The following MTMR10 variants were observed in gnomAD, a reference collection of about 807,000 sequenced individuals.
MTMR10 encodes myotubularin-related protein 10.
A neutral mutation model predicts 88.1 loss-of-function variants in MTMR10; 56 were observed. The observed-to-expected ratio is 0.64, with a 90% CI of 0.51 to 0.79. The LOEUF (loss-of-function observed/expected upper bound fraction) is 0.79. MTMR10 is among the 30% of genes least tolerant of loss of function. MTMR10 has a pLI of 0.00. For missense variants in MTMR10, 883 were observed against 924.7 expected, an observed-to-expected ratio of 0.95 and a Z score of 0.58; for synonymous variants, 380 against 340.9, an observed-to-expected ratio of 1.11 and a Z score of -1.26.
intron 5 of MTMR10, among the ~76,000 whole-genome samples, chr15:30,973,746 T>C (rs1224437872): frequency 6.6e-6 from 1 of 152,146 alleles, no homozygotes; most frequent in South Asian, 2.1e-4. Context: ...CCTTGACTCT[T>C]ACAAGTAGGG....
intron 3 of MTMR10, among the ~76,000 whole-genome samples, chr15:30,975,608 T>C (rs2030069748): frequency 6.6e-6 from 1 of 152,048 alleles, no homozygotes; most frequent in South Asian, 2.1e-4. Flanking sequence ...CAAGCCTATA[T>C]CCAAATAAGC....
chr15:30,974,844 A>G, intron 4 of MTMR10, 87 bp downstream of exon 4: 1 of 954,248 alleles, frequency 1.0e-6, no homozygotes, highest in Non-Finnish European at 1.5e-6. Context: ...ATAAAACGCC[A>G]ATCCAAGTAT....
chr15:30,967,294 A>C (rs1317946562), intron 6 of MTMR10, among the ~76,000 whole-genome samples: 1 of 152,210 alleles, frequency 6.6e-6, no homozygotes, highest in Non-Finnish European at 1.5e-5. Context: ...CATTTGTACG[A>C]AACAGAATGT....
the MTMR10 span, among the ~76,000 whole-genome samples, chr15:30,929,880 AAT>A: frequency 1.0e-3 from 83 of 81,214 alleles, 2 homozygotes; most frequent in South Asian, 7.1e-3. Flanking sequence ...TAAAATATAT[AAT>A]ATATATCATA....
At chr15:30,948,820 C>G (rs1338161770) in intron 12 of MTMR10, 1 of 292,778 alleles carries the variant, frequency 3.4e-6, no homozygotes, top group African/African-American at 2.3e-5. Context: ...TTTCTACTGA[C>G]AGGCCACATG....
chr15:30,981,342 C>A (rs909113450), intron 2 of MTMR10, among the ~76,000 whole-genome samples: 2 of 152,200 alleles, frequency 1.3e-5, no homozygotes, highest in African/African-American at 4.8e-5. Flanking sequence ...AGAGGAGAAA[C>A]CTGACAGATA....
Position 30,947,304 on chromosome 15 carries a change from G to A in MTMR10, c.1378-4C>T, listed in dbSNP as rs1240590566. On this transcript the variant is annotated splice_region_variant and splice_polypyrimidine_tract_variant and intron_variant, in intron 13 of 15. Coordinates refer to ENST00000435680, the MANE Select transcript of MTMR10 (RefSeq NM_017762.3). Reference sequence around the variant, plus strand: ...AGAATAGCAAAAATAAAGGAGACTGGCAAATACAAAGAGACAATGGGATCA... The same window carrying A: ...AGAATAGCAAAAATAAAGGAGACTGACAAATACAAAGAGACAATGGGATCA... The A allele has an allele frequency of 9.3e-6, 15 of 1,612,198 alleles. No homozygotes were observed. Among genetic ancestry groups the A allele is most frequent in the African/African-American group, 1.3e-5 (1 of 74,802 alleles).
chr15:30,969,786 C>T (rs776022869), intron 5 of MTMR10, among the ~76,000 whole-genome samples: 5 of 152,114 alleles, frequency 3.3e-5, no homozygotes, highest in Non-Finnish European at 5.9e-5. Context: ...CCAATATTCC[C>T]TCCGCAATCT....
chr15:30,989,722 A>G (rs568384307), intron 2 of MTMR10, among the ~76,000 whole-genome samples: 1 of 150,048 alleles, frequency 6.7e-6, no homozygotes, highest in South Asian at 2.1e-4. Context: ...AGCTGGGACT[A>G]CAGGCGCCCG....
intron 2 of MTMR10, among the ~76,000 whole-genome samples, chr15:30,984,063 T>C (rs896278846): frequency 2.0e-5 from 3 of 152,180 alleles, no homozygotes; most frequent in Non-Finnish European, 4.4e-5. Context: ...ATAAGGCATC[T>C]GGAAGAGACC....
At chr15:30,926,278 C>T in the MTMR10 span, among the ~76,000 whole-genome samples, 1 of 152,226 alleles carries the variant, frequency 6.6e-6, no homozygotes, top group Non-Finnish European at 1.5e-5. Flanking sequence ...CTGTTCTCTC[C>T]TGCCCCTTCC....
At chr15:30,929,802 A>G in the MTMR10 span, among the ~76,000 whole-genome samples, 1 of 72,898 alleles carries the variant, frequency 1.4e-5, no homozygotes, top group South Asian at 3.8e-4. Flanking sequence ...AATATAATAT[A>G]TAAAATATAT....
intron 11 of MTMR10, among the ~76,000 whole-genome samples, chr15:30,952,919 AG>A (rs1360514036): frequency 1.3e-5 from 2 of 151,980 alleles, no homozygotes; most frequent in Non-Finnish European, 2.9e-5. Flanking sequence ...CCTCCTGAGT[AG>A]CTGGGACTAC....
Position 30,941,132 on chromosome 15 carries a change from TG to T in MTMR10, c.*337del, listed in dbSNP as rs2063033378. 7.9e-7 allele frequency: 1 copy of T among 1,269,438 alleles called. No individual in the cohort carries two copies. The highest frequency in any genetic ancestry group is 2.7e-5 in the Admixed American group (1 of 37,210). The allele number at this position is 1,269,438 out of a possible 1,614,324, so 78.6% of individuals were successfully genotyped here. ...ATTTCCTAACTTTCCTGTTGTCTGCTGCCTGGGGCTGCTAATGTGACTGACT... is the reference window on the plus strand; with the variant it reads ...ATTTCCTAACTTTCCTGTTGTCTGCTCCTGGGGCTGCTAATGTGACTGACT... On this transcript the variant is annotated 3_prime_UTR_variant, in exon 16 of 16. Coordinates refer to ENST00000435680, the MANE Select transcript of MTMR10 (RefSeq NM_017762.3).
chr15:30,966,858 CTTTTTT>C (rs76851097), intron 6 of MTMR10, among the ~76,000 whole-genome samples: 5 of 131,086 alleles, frequency 3.8e-5, no homozygotes, highest in South Asian at 2.3e-4. Flanking sequence ...ACTGTATTTT[CTTTTTT>C]TTTTTTTTTT....
In MTMR10 at chr15:30,947,448, CA is replaced by C; in HGVS notation, c.1378-149del. On this transcript the variant is annotated intron_variant, in intron 13 of 15. Coordinates refer to ENST00000435680, the MANE Select transcript of MTMR10 (RefSeq NM_017762.3). The stretch of plus-strand genomic sequence containing the variant: ...CTTGCCTTCTAAGCTGAGCTATACA[CA>C]TCTATCAAACCCAAGAAGTAACATT... The C allele has an allele frequency of 3.4e-6, 3 of 879,460 alleles. No homozygotes were observed. The South Asian group carries it at 5.4e-5, about 16-fold the overall frequency. The allele number at this position is 879,460 out of a possible 1,614,324, so 54.5% of individuals were successfully genotyped here. A position where few individuals can be genotyped will look rare whatever the true frequency, so the allele number is the denominator to read the frequency against.
chr15:30,971,205 G>A (rs1212787041), intron 5 of MTMR10, among the ~76,000 whole-genome samples: 4 of 152,084 alleles, frequency 2.6e-5, no homozygotes, highest in Non-Finnish European at 4.4e-5. Context: ...GGCTACCACA[G>A]GAAATGAAGA....
the MTMR10 span, among the ~76,000 whole-genome samples, chr15:30,930,858 G>A: frequency 6.6e-6 from 1 of 152,166 alleles, no homozygotes; most frequent in African/African-American, 2.4e-5. Context: ...CGGGTGAGAG[G>A]AGCCCCAGAG....
rs1189350152 is a variant in MTMR10 at position 30,947,198 on chromosome 15, T to G, written c.1480A>C (p.Ser494Arg). 6.2e-7 allele frequency: 1 copy of G among 1,613,998 alleles called. No homozygotes were observed. The highest frequency in any genetic ancestry group is 1.1e-5 in the South Asian group (1 of 91,076). The stretch of plus-strand genomic sequence containing the variant: ...GTGCCAAACAGTGAGATCCGGGTGC[T>G]GTCATACAACACTGCCAGGTAGGTT... ...SETYLAVLYDSTRISLFGTFL... is the reference protein window; with the variant it reads ...SETYLAVLYDRTRISLFGTFL... Residue 494 changes from serine to arginine, a missense_variant, in exon 14 of 16, where the codon AGC becomes CGC. Ser to Arg is a moderately radical substitution (Grantham distance 110, BLOSUM62 -1). This residue lies in a region of MTMR10 where 126 missense variants were observed against 178.2 expected (regional missense o/e 0.71). Coordinates refer to ENST00000435680, the MANE Select transcript of MTMR10 (RefSeq NM_017762.3).
Sources: gnomAD v4.1 joint callset for allele counts (sites outside exome capture counted in the v4.1 genomes callset) on GRCh38, gnomAD v4.1.1 for gene constraint, gnomAD v4.1.1 regional missense constraint, MANE v1.5 for transcripts, NCBI Gene and HGNC (gene_info 2026-07-23, HGNC 2026-07-21) for gene names.